The following SLC28A3 variants were observed in gnomAD, a reference collection of about 807,000 sequenced individuals.
SLC28A3 encodes the protein solute carrier family 28 member 3.
A neutral mutation model predicts 84.2 loss-of-function variants in SLC28A3; 68 were observed. That is an observed-to-expected ratio of 0.81 (90% CI 0.66 to 0.99). SLC28A3 has a LOEUF of 0.99. Ranked by LOEUF, SLC28A3 falls within the 50% of genes least tolerant of loss-of-function variation. The pLI is 0.00. For missense variants in SLC28A3, 712 were observed against 841.5 expected (o/e 0.85, Z 1.90); for synonymous variants, 267 against 303.6 (o/e 0.88, Z 1.25).
chr9:84,288,731 A>G (rs1328920583), intron 11 of SLC28A3, among the ~76,000 whole-genome samples: 3 of 152,052 alleles, frequency 2.0e-5, no homozygotes, highest in Non-Finnish European at 4.4e-5. Flanking sequence ...CTTTTAGTAG[A>G]GATGGGGTTT....
chr9:84,368,089 G>C, the SLC28A3 span, among the ~76,000 whole-genome samples: 19 of 152,208 alleles, frequency 1.2e-4, no homozygotes, highest in Middle Eastern at 6.8e-3. Context: ...TGTCTCAGTG[G>C]GGGGAAACCT....
At chr9:84,334,048 T>C (rs1230907955) in intron 1 of SLC28A3, among the ~76,000 whole-genome samples, 2 of 152,230 alleles carry the variant, frequency 1.3e-5, no homozygotes, top group East Asian at 1.9e-4. Flanking sequence ...CTCACGCCTG[T>C]AATCCCAACA....
chr9:84,334,379 G>A (rs73466578), intron 1 of SLC28A3, among the ~76,000 whole-genome samples: 19,767 of 152,136 alleles, frequency 0.13, 3,287 homozygotes, highest in African/African-American at 0.38. Flanking sequence ...ACCAGGCAAA[G>A]GTACTGCTTG....
chr9:84,308,439 G>A (rs886757112), intron 3 of SLC28A3, among the ~76,000 whole-genome samples: 2 of 151,924 alleles, frequency 1.3e-5, no homozygotes, highest in East Asian at 3.9e-4. Flanking sequence ...CCAGCTACTC[G>A]GGAGGCTGAG....
Position 84,297,111 on chromosome 9 carries a change from C to T in SLC28A3, c.861+110G>A, listed in dbSNP as rs11568385. ...TGATGTATTGCACACCTCTGACCAG[C>T]GCAGTAGGTATATACCTGGTTTTTG... On this transcript the variant is annotated intron_variant, in intron 8 of 17. Coordinates refer to ENST00000376238, the MANE Select transcript of SLC28A3 (RefSeq NM_001199633.2). 41 of 747,398 alleles carry T rather than the reference C, an allele frequency of 5.5e-5. No homozygotes were observed. The East Asian group carries it at 7.8e-4, about 14-fold the overall frequency. 46.3% of individuals were successfully genotyped at this position (747,398 alleles called of 1,614,324 possible).
rs112894373 is a variant in SLC28A3, at chr9:84,318,977, G to A, written c.61-5523C>T. Among the ~76,000 whole-genome samples the A allele has an allele frequency of 2.2e-3, 331 of 152,228 alleles. 1 individual carries two copies. The highest frequency in any genetic ancestry group is 7.6e-3 in the African/African-American group (317 of 41,536). On this transcript the variant is annotated intron_variant, in intron 1 of 17. Transcript: ENST00000376238. ...AAACGGAGAAATTATGAAAAAAAGA[G>A]AGTTAGTACATTTTGAATCTATTTG...
At chr9:84,356,237 A>G in the SLC28A3 span, among the ~76,000 whole-genome samples, 1 of 152,114 alleles carries the variant, frequency 6.6e-6, no homozygotes, top group Non-Finnish European at 1.5e-5. Flanking sequence ...GCATGGGATA[A>G]TTTGAGACCC....
At position 84,329,920 on chromosome 9, in the gene SLC28A3, C is replaced by T. The variant is rs116724691; in HGVS notation, c.60+10654G>A. Among the ~76,000 whole-genome samples, 136 of 151,952 alleles carry T rather than the reference C, an allele frequency of 9.0e-4. 1 individual carries two copies. Among genetic ancestry groups the T allele is most frequent in the African/African-American group, 3.2e-3 (131 of 41,416 alleles). On this transcript the variant is annotated intron_variant, in intron 1 of 17. Transcript: ENST00000376238. Reference sequence around the variant, plus strand: ...AAAATATACGAAAATTTATGAATATCGCTAAAGCAGTGCTTACAGGGAATT... The same window carrying T: ...AAAATATACGAAAATTTATGAATATTGCTAAAGCAGTGCTTACAGGGAATT...
chr9:84,293,932 CGCTAAAGAAGTAACT>C (rs1825324949), intron 9 of SLC28A3, among the ~76,000 whole-genome samples: 1 of 152,154 alleles, frequency 6.6e-6, no homozygotes, highest in Non-Finnish European at 1.5e-5. Flanking sequence ...TCAATTCCTC[CGCTAAAGAAGTAACT>C]GCTATAGTTT....
chr9:84,285,520 A>T lies in SLC28A3; in HGVS notation c.1472T>A (p.Met491Lys), dbSNP rs1824946501. The change falls in exon 14 of 18, where the codon ATG (methionine) becomes AAG (lysine). Residue 491 changes from methionine (M) to lysine (K), a missense_variant. Transcript: ENST00000376238. ...CACTCCCATCATGAAGGAAAAGGGCATGAAGATGTAGGAGCAGATTAGCTA... is the reference window on the plus strand; with the variant it reads ...CACTCCCATCATGAAGGAAAAGGGCTTGAAGATGTAGGAGCAGATTAGCTA... ...SFELICSYIF[M>K]PFSFMMGVEW... 1 of 1,614,078 alleles carries T rather than the reference A, an allele frequency of 6.2e-7. No homozygotes were observed. The highest frequency in any genetic ancestry group is 1.7e-5 in the Admixed American group (1 of 60,000).
chr9:84,325,851 C>T (rs373597413), intron 1 of SLC28A3, among the ~76,000 whole-genome samples: 2 of 152,122 alleles, frequency 1.3e-5, no homozygotes, highest in African/African-American at 4.8e-5. Context: ...ATCTCTATCT[C>T]CATTTTACTT....
At chr9:84,333,578 A>G (rs1457601110) in intron 1 of SLC28A3, among the ~76,000 whole-genome samples, 1 of 152,244 alleles carries the variant, frequency 6.6e-6, no homozygotes, top group Non-Finnish European at 1.5e-5. Flanking sequence ...CTAACAACCA[A>G]TAACAGGAAA....
the SLC28A3 span, among the ~76,000 whole-genome samples, chr9:84,364,676 C>A: frequency 6.6e-6 from 1 of 152,112 alleles, no homozygotes; most frequent in Admixed American, 6.5e-5. Context: ...CCCCCACTAC[C>A]CTCCCCAGCC....
chr9:84,361,130 G>A, the SLC28A3 span, among the ~76,000 whole-genome samples: 1 of 152,104 alleles, frequency 6.6e-6, no homozygotes, highest in Non-Finnish European at 1.5e-5. Context: ...CAGATCACAA[G>A]GTCAGGAGAT....
chr9:84,292,261 C>G (rs1002278192), intron 10 of SLC28A3, among the ~76,000 whole-genome samples: 1 of 152,148 alleles, frequency 6.6e-6, no homozygotes, highest in Admixed American at 6.5e-5. Context: ...AGTGGAAGAG[C>G]TACCAGCCTC....
chr9:84,351,780 T>C, the SLC28A3 span, among the ~76,000 whole-genome samples: 1 of 151,870 alleles, frequency 6.6e-6, no homozygotes, highest in Non-Finnish European at 1.5e-5. Context: ...ATCTTGATAA[T>C]TGTATTGTGG....
intron 1 of SLC28A3, among the ~76,000 whole-genome samples, chr9:84,331,697 T>C (rs1441489852): frequency 1.3e-5 from 2 of 152,192 alleles, no homozygotes; most frequent in Non-Finnish European, 2.9e-5. Context: ...TGTGGTAAGA[T>C]TGATTGCTTA....
upstream of SLC28A3, among the ~76,000 whole-genome samples, chr9:84,341,798 C>T (rs1038421393): frequency 6.6e-6 from 1 of 151,418 alleles, no homozygotes; most frequent in Non-Finnish European, 1.5e-5. Flanking sequence ...GATTTTCCCC[C>T]CTAGTACAAT....
intron 1 of SLC28A3, among the ~76,000 whole-genome samples, chr9:84,329,775 T>TGG (rs1826705353): frequency 6.6e-6 from 1 of 152,052 alleles, no homozygotes. Flanking sequence ...GATGCATGCC[T>TGG]GTAGTCCCAG....
Sources: gnomAD v4.1 joint callset for allele counts (sites outside exome capture counted in the v4.1 genomes callset) on GRCh38, gnomAD v4.1.1 for gene constraint, MANE v1.5 for transcripts, NCBI Gene and HGNC (gene_info 2026-07-23, HGNC 2026-07-21) for gene names.